ANKRD30A: variants seen among roughly 807,000 people sequenced by gnomAD.
ANKRD30A encodes the protein ankyrin repeat domain 30A, also known as ankyrin repeat domain-containing protein 30A.
Under a neutral mutation model 166.3 loss-of-function variants are expected in ANKRD30A, and 170 were observed. The observed-to-expected ratio is 1.02, with a 90% CI of 0.90 to 1.16. ANKRD30A has a LOEUF of 1.16. ANKRD30A is among the 50% of genes most tolerant of loss of function. The probability of loss-of-function intolerance (pLI) is 0.00; values close to 1 mark genes in which losing one functional copy is unlikely to be tolerated. For missense variants in ANKRD30A, 1,630 were observed against 1,518.0 expected (o/e 1.07, Z -1.23); for synonymous variants, 564 against 508.9 (o/e 1.11, Z -1.46).
At chr10:37,161,509 G>A (rs931051973) in intron 15 of ANKRD30A, among the ~76,000 whole-genome samples, 3 of 151,920 alleles carry the variant, frequency 2.0e-5, no homozygotes, top group African/African-American at 7.3e-5. Context: ...GCAGGTGACA[G>A]GGGACAAACA....
At chr10:37,152,766 G>A (rs189051836) in intron 12 of ANKRD30A, among the ~76,000 whole-genome samples, 22 of 152,052 alleles carry the variant, frequency 1.4e-4, no homozygotes, top group African/African-American at 3.1e-4. Context: ...CAGCATGAGC[G>A]TCAAATAATA....
At chr10:37,199,557 C>T (rs1841447801) in intron 29 of ANKRD30A, among the ~76,000 whole-genome samples, 170 bp from the exon 30 acceptor site, 1 of 151,950 alleles carries the variant, frequency 6.6e-6, no homozygotes, top group Admixed American at 6.6e-5. Flanking sequence ...TTTCAGATTT[C>T]AATTCTAACG....
chr10:37,262,974 T>C, the ANKRD30A span, among the ~76,000 whole-genome samples: 349 of 152,220 alleles, frequency 2.3e-3, 2 homozygotes, highest in African/African-American at 7.8e-3. Flanking sequence ...CAAGGCTTTG[T>C]TATTAAAAAA....
At chr10:37,222,015 A>G (rs1306282054) in intron 34 of ANKRD30A, among the ~76,000 whole-genome samples, 3 of 151,430 alleles carry the variant, frequency 2.0e-5, no homozygotes, top group Admixed American at 6.6e-5. Context: ...CATGTATAGT[A>G]TGCATTCAAA....
chr10:37,205,843 A>C (rs2132707160), intron 31 of ANKRD30A, among the ~76,000 whole-genome samples: 1 of 152,306 alleles, frequency 6.6e-6, no homozygotes, highest in South Asian at 2.1e-4. Flanking sequence ...ATTTTAATAA[A>C]TTCTCTGATG....
chr10:37,160,092 C>A (rs1297419759), intron 15 of ANKRD30A, among the ~76,000 whole-genome samples: 2 of 152,178 alleles, frequency 1.3e-5, no homozygotes, highest in Non-Finnish European at 2.9e-5. Context: ...GGACCCAATA[C>A]AATTAGCTCT....
chr10:37,240,136 A>G, the ANKRD30A span, among the ~76,000 whole-genome samples: 2 of 152,136 alleles, frequency 1.3e-5, no homozygotes, highest in Non-Finnish European at 2.9e-5. Context: ...TTATTTTTGT[A>G]CACATATTTA....
the ANKRD30A span, among the ~76,000 whole-genome samples, chr10:37,242,852 G>C: frequency 1.3e-5 from 2 of 152,146 alleles, no homozygotes; most frequent in African/African-American, 4.8e-5. Flanking sequence ...TACCAGGTGG[G>C]CATAAACTTA....
intron 31 of ANKRD30A, among the ~76,000 whole-genome samples, chr10:37,209,460 G>A (rs1322941277): frequency 6.6e-6 from 1 of 152,056 alleles, no homozygotes; most frequent in Non-Finnish European, 1.5e-5. Flanking sequence ...ATGTTTAAAT[G>A]ACCAATATTC....
chr10:37,184,049 C>A (rs1295013920), intron 24 of ANKRD30A, among the ~76,000 whole-genome samples: 8 of 151,624 alleles, frequency 5.3e-5, no homozygotes, highest in African/African-American at 1.2e-4. Context: ...GGCGATGCTG[C>A]TGCTGGTGGT....
Position 37,219,850 on chromosome 10 carries a change from T to A in ANKRD30A, c.4138T>A (p.Leu1380Ile). 1 of 1,578,326 alleles carries A rather than the reference T, an allele frequency of 6.3e-7. No homozygotes were observed. The highest frequency in any genetic ancestry group is 1.2e-5 in the South Asian group (1 of 86,058). Residue 1380 changes from leucine to isoleucine, a missense_variant, in exon 34 of 36, where the codon TTA becomes ATA. By Grantham distance (5) the Leu-to-Ile change is conservative (BLOSUM62 2). This residue lies in a region of ANKRD30A where 712 missense variants were observed against 629.3 expected (regional missense o/e 1.13). Transcript: ENST00000361713. ...NEEIFNYNNH[L>I]KNRIYQYEKE... ...GGAGATATTTAATTACAATAACCAT[T>A]TAAAAAACCGTATATATCAATATGA...
intron 15 of ANKRD30A, among the ~76,000 whole-genome samples, chr10:37,158,946 G>C (rs1838608600): frequency 6.6e-6 from 1 of 152,120 alleles, no homozygotes; most frequent in Admixed American, 6.6e-5. Context: ...TTAGAAGAAA[G>C]TTTCACTTGC....
chr10:37,219,865 T>C lies in ANKRD30A; in HGVS notation c.4153T>C (p.Tyr1385His). 1 of 1,540,300 alleles carries C rather than the reference T, an allele frequency of 6.5e-7. No individual in the cohort carries two copies. Among genetic ancestry groups the C allele is most frequent in the Non-Finnish European group, 8.7e-7 (1 of 1,143,954 alleles). ...CAATAACCATTTAAAAAACCGTATA[T>C]ATCAATATGAAAAAGAGAAAGCAGA... ...NYNNHLKNRI[Y>H]QYEKEKAETE... The change falls in exon 34 of 36, where the codon TAT becomes CAT. Residue 1385 changes from tyrosine (Y) to histidine (H), a missense_variant. Tyr to His is a moderately conservative substitution (Grantham distance 83). This residue lies in a region of ANKRD30A where 712 missense variants were observed against 629.3 expected (regional missense o/e 1.13). Coordinates refer to ENST00000361713, the MANE Select transcript of ANKRD30A (RefSeq NM_052997.3).
chr10:37,149,926 CT>C, intron 11 of ANKRD30A, 77 bp downstream of exon 11: 2 of 1,568,534 alleles, frequency 1.3e-6, no homozygotes, highest in African/African-American at 2.7e-5. Context: ...ATCCCCAATG[CT>C]TTATTTTTTT....
At position 37,167,283 on chromosome 10, in the gene ANKRD30A, G is replaced by A. The variant is rs2384698; in HGVS notation, c.2155+588G>A. Among the ~76,000 whole-genome samples the A allele has an allele frequency of 9.1e-5, 9 of 99,352 alleles. 1 individual carries two copies. The highest frequency in any genetic ancestry group is 3.3e-4 in the African/African-American group (7 of 21,202). 65.2% of individuals were successfully genotyped at this position (99,352 alleles called of 152,430 possible). A position where few individuals can be genotyped will look rare whatever the true frequency, so the allele number is the denominator to read the frequency against. On this transcript the variant is annotated intron_variant, in intron 19 of 35. Coordinates refer to ENST00000361713, the MANE Select transcript of ANKRD30A (RefSeq NM_052997.3). ...TTAATTTTCTTTATTACTATGAGGC[G>A]TCAAATATATATATATATAGATGTG...
chr10:37,162,555 C>A, intron 15 of ANKRD30A, 94 bp from the exon 16 acceptor site: 3 of 1,505,998 alleles, frequency 2.0e-6, no homozygotes, highest in East Asian at 4.5e-5. Context: ...CCAATTGGAG[C>A]AAGAGGAGTC....
At chr10:37,164,923 T>A (rs1191880634) in intron 17 of ANKRD30A, among the ~76,000 whole-genome samples, 171 bp from the exon 18 acceptor site, 1 of 152,114 alleles carries the variant, frequency 6.6e-6, no homozygotes, top group Non-Finnish European at 1.5e-5. Context: ...GTTTTTAGAT[T>A]TCAATTCTTT....
Position 37,191,834 on chromosome 10 carries a change from T to A in ANKRD30A, c.2513-1230T>A, listed in dbSNP as rs1782070. Among the ~76,000 whole-genome samples, 161 of 151,864 alleles carry A rather than the reference T, an allele frequency of 1.1e-3. 1 individual carries two copies. Among genetic ancestry groups the A allele is most frequent in the Admixed American group, 2.0e-3 (30 of 15,236 alleles). On this transcript the variant is annotated intron_variant, in intron 25 of 35. Coordinates refer to ENST00000361713, the MANE Select transcript of ANKRD30A (RefSeq NM_052997.3). ...CATGGTGAAACCCCACCTCTACTAGTAATACAAAAAATCAGCCGGGCGTGG... is the reference window on the plus strand; with the variant it reads ...CATGGTGAAACCCCACCTCTACTAGAAATACAAAAAATCAGCCGGGCGTGG...
chr10:37,201,125 C>T, intron 30 of ANKRD30A, 110 bp from the exon 31 acceptor site: 1 of 824,692 alleles, frequency 1.2e-6, no homozygotes, highest in Non-Finnish European at 1.8e-6. Context: ...AGTTGAATTG[C>T]TTGCAAAATA....
Sources: gnomAD v4.1 joint callset for allele counts (sites outside exome capture counted in the v4.1 genomes callset) on GRCh38, gnomAD v4.1.1 for gene constraint, gnomAD v4.1.1 regional missense constraint, MANE v1.5 for transcripts, NCBI Gene and HGNC (gene_info 2026-07-23, HGNC 2026-07-21) for gene names.